The following LYPD6B variants were observed in gnomAD, a reference collection of about 807,000 sequenced individuals.
The protein encoded by LYPD6B is LY6/PLAUR domain containing 6B.
In LYPD6B, 17 loss-of-function variants were observed where a neutral mutation model predicts 22.8. The observed-to-expected ratio is 0.75, with a 90% CI of 0.51 to 1.12. The LOEUF (loss-of-function observed/expected upper bound fraction) is 1.12. LYPD6B is among the 50% of genes most tolerant of loss of function. The pLI is 0.00. For missense variants in LYPD6B, 221 were observed against 258.3 expected, an observed-to-expected ratio of 0.86 and a Z score of 0.99; for synonymous variants, 106 against 91.6, an observed-to-expected ratio of 1.16 and a Z score of -0.90.
intron 1 of LYPD6B, among the ~76,000 whole-genome samples, chr2:149,079,824 C>T (rs964014770): frequency 6.6e-6 from 1 of 152,078 alleles, no homozygotes; most frequent in Non-Finnish European, 1.5e-5. Context: ...ACCAACCCAC[C>T]CAGAGGGGTT....
At chr2:149,165,034 T>TCC (rs1015472217) in intron 3 of LYPD6B, among the ~76,000 whole-genome samples, 62 of 152,274 alleles carry the variant, frequency 4.1e-4, no homozygotes, top group African/African-American at 1.5e-3. Flanking sequence ...TCTGTTAGTT[T>TCC]CACCTGGGGT....
chr2:149,080,739 G>T (rs1474860667), intron 1 of LYPD6B, among the ~76,000 whole-genome samples: 1 of 148,188 alleles, frequency 6.7e-6, no homozygotes, highest in Non-Finnish European at 1.5e-5. Flanking sequence ...CTACTAGGGA[G>T]ACTGAGACAG....
At chr2:149,135,607 C>A (rs1688314186) in intron 2 of LYPD6B, among the ~76,000 whole-genome samples, 1 of 150,342 alleles carries the variant, frequency 6.7e-6, no homozygotes, top group South Asian at 2.1e-4. Context: ...GTAATCCCAG[C>A]TACTCAGGAG....
intron 1 of LYPD6B, among the ~76,000 whole-genome samples, chr2:149,117,773 T>A (rs1687077822): frequency 6.6e-6 from 1 of 152,200 alleles, no homozygotes; most frequent in Non-Finnish European, 1.5e-5. Context: ...ATAATAATCA[T>A]CTATTGCTAT....
intron 3 of LYPD6B, among the ~76,000 whole-genome samples, chr2:149,197,989 T>C (rs1425544805): frequency 6.6e-6 from 1 of 152,156 alleles, no homozygotes; most frequent in Non-Finnish European, 1.5e-5. Context: ...CCAATCTTGA[T>C]TCTTTTTAAA....
chr2:149,197,722 A>T (rs937568023), intron 3 of LYPD6B, among the ~76,000 whole-genome samples: 2 of 152,200 alleles, frequency 1.3e-5, no homozygotes, highest in Non-Finnish European at 2.9e-5. Context: ...AGTACAGAGC[A>T]AAGGGAAATG....
At chr2:149,189,342 T>TTTTA (rs1553500263) in intron 3 of LYPD6B, among the ~76,000 whole-genome samples, 4 of 66,104 alleles carry the variant, frequency 6.1e-5, no homozygotes, top group Admixed American at 1.6e-4. Flanking sequence ...TTGTCCAAAA[T>TTTTA]TATATATATA....
At chr2:149,136,464 C>T (rs770439734) in intron 2 of LYPD6B, among the ~76,000 whole-genome samples, 8 of 152,332 alleles carry the variant, frequency 5.3e-5, no homozygotes, top group Admixed American at 1.3e-4. Context: ...GCTGTTACAA[C>T]GCCTCATTCC....
chr2:149,162,545 T>A (rs1228683282), intron 3 of LYPD6B, among the ~76,000 whole-genome samples: 1 of 152,148 alleles, frequency 6.6e-6, no homozygotes, highest in East Asian at 1.9e-4. Context: ...CACCACCTAC[T>A]GTTGACACTC....
At chr2:149,203,150 T>G (rs1693280624) in intron 3 of LYPD6B, among the ~76,000 whole-genome samples, 1 of 152,202 alleles carries the variant, frequency 6.6e-6, no homozygotes, top group Non-Finnish European at 1.5e-5. Flanking sequence ...TCCAAAACTA[T>G]GAGGTAAGTA....
chr2:149,135,574 G>A (rs1458946813), intron 2 of LYPD6B, among the ~76,000 whole-genome samples: 1 of 151,818 alleles, frequency 6.6e-6, no homozygotes, highest in African/African-American at 2.4e-5. Context: ...ACAAAAATAA[G>A]CCAGGGGTGG....
intron 3 of LYPD6B, among the ~76,000 whole-genome samples, chr2:149,175,796 A>G (rs944374768): frequency 9.3e-5 from 14 of 150,996 alleles, no homozygotes; most frequent in African/African-American, 3.4e-4. Flanking sequence ...AAGCCTACAC[A>G]GGGTCAGGAT....
chr2:149,202,829 C>T (rs1178511382), intron 3 of LYPD6B, among the ~76,000 whole-genome samples: 1 of 152,128 alleles, frequency 6.6e-6, no homozygotes, highest in Non-Finnish European at 1.5e-5. Flanking sequence ...TAAGTGCTTA[C>T]TTAGTAAAAA....
intron 1 of LYPD6B, among the ~76,000 whole-genome samples, chr2:149,065,927 G>C (rs939048713): frequency 6.6e-6 from 1 of 152,010 alleles, no homozygotes; most frequent in Non-Finnish European, 1.5e-5. Flanking sequence ...ACTCAGGCTG[G>C]TTTGTAACTC....
intron 1 of LYPD6B, among the ~76,000 whole-genome samples, chr2:149,042,620 C>G (rs372891563): frequency 9.5e-4 from 144 of 152,234 alleles, no homozygotes; most frequent in African/African-American, 3.2e-3. Flanking sequence ...CTACTGTGTG[C>G]CAGACACTGT....
chr2:149,065,386 C>T (rs1684274117), intron 1 of LYPD6B, among the ~76,000 whole-genome samples: 1 of 152,152 alleles, frequency 6.6e-6, no homozygotes, highest in African/African-American at 2.4e-5. Context: ...TTTCATTGGC[C>T]CCCTAGTAAG....
intron 2 of LYPD6B, among the ~76,000 whole-genome samples, chr2:149,138,229 G>A (rs2105751139): frequency 1.3e-5 from 2 of 152,328 alleles, no homozygotes; most frequent in South Asian, 4.1e-4. Context: ...TGAACCTAGG[G>A]AGGGAAAGGA....
At chr2:149,056,107 A>G (rs1330264299) in intron 1 of LYPD6B, among the ~76,000 whole-genome samples, 1 of 152,216 alleles carries the variant, frequency 6.6e-6, no homozygotes, top group Non-Finnish European at 1.5e-5. Flanking sequence ...GGCTACTAGA[A>G]AAGAAATATT....
intron 3 of LYPD6B, among the ~76,000 whole-genome samples, chr2:149,181,776 C>T (rs1691740630): frequency 6.6e-6 from 1 of 152,194 alleles, no homozygotes; most frequent in Non-Finnish European, 1.5e-5. Flanking sequence ...TGCCTCTAAA[C>T]CTGTGGTCAT....
Sources: gnomAD v4.1 joint callset for allele counts (sites outside exome capture counted in the v4.1 genomes callset) on GRCh38, gnomAD v4.1.1 for gene constraint, MANE v1.5 for transcripts, NCBI Gene and HGNC (gene_info 2026-07-23, HGNC 2026-07-21) for gene names.